PDE6C: variants seen among roughly 807,000 people sequenced by gnomAD.
PDE6C encodes cone cGMP-specific 3',5'-cyclic phosphodiesterase subunit alpha'.
A neutral mutation model predicts 113.1 loss-of-function variants in PDE6C; 75 were observed. That is an observed-to-expected ratio of 0.66 (90% CI 0.55 to 0.80). PDE6C has a LOEUF of 0.80. Among genes scored for constraint, PDE6C ranks in the 30% least tolerant of loss-of-function variants. The pLI is 0.00. For missense variants in PDE6C, 912 were observed against 1,038.6 expected, an observed-to-expected ratio of 0.88 and a Z score of 1.67; for synonymous variants, 375 against 363.7, an observed-to-expected ratio of 1.03 and a Z score of -0.35.
At chr10:93,620,166 A>C (rs1401595999) in intron 1 of PDE6C, among the ~76,000 whole-genome samples, 1 of 152,102 alleles carries the variant, frequency 6.6e-6, no homozygotes, top group Non-Finnish European at 1.5e-5. Flanking sequence ...GGGCAATGAT[A>C]ATTTTTGCTT....
At chr10:93,636,790 T>G (rs1314532962) in intron 10 of PDE6C, among the ~76,000 whole-genome samples, 3 of 152,154 alleles carry the variant, frequency 2.0e-5, no homozygotes, top group Non-Finnish European at 4.4e-5. Context: ...TTTTTAGAGA[T>G]GGGGTCTCAC....
chr10:93,624,218 G>A (rs2058461587), intron 4 of PDE6C, among the ~76,000 whole-genome samples: 1 of 151,784 alleles, frequency 6.6e-6, no homozygotes, highest in African/African-American at 2.4e-5. Context: ...AATAACTAAC[G>A]ATACCATATT....
chr10:93,612,861 T>A lies in PDE6C; in HGVS notation c.136T>A (p.Ser46Thr). Residue 46 changes from serine to threonine, a missense_variant, in exon 1 of 22, where the codon TCC (serine) becomes ACC (threonine). Physicochemically the swap from Ser to Thr is moderately conservative, Grantham distance 58. Transcript: ENST00000371447. The stretch of plus-strand genomic sequence containing the variant: ...CAAGAACAGCCAGGTGCCAGTCCAG[T>A]CCAGCATGTCCTTCTCTGAGCTGAC... ...IFKNSQVPVQ[S>T]SMSFSELTQV... The A allele has an allele frequency of 6.2e-7, 1 of 1,614,122 alleles. No individual in the cohort carries two copies. Among genetic ancestry groups the A allele is most frequent in the South Asian group, 1.1e-5 (1 of 91,082 alleles).
chr10:93,644,812 G>GTATATAGTACTA (rs2058575640), intron 14 of PDE6C, among the ~76,000 whole-genome samples: 1 of 144,174 alleles, frequency 6.9e-6, no homozygotes, highest in Non-Finnish European at 1.5e-5. Context: ...TATATAGTAT[G>GTATATAGTACTA]TATATAGTAC....
intron 15 of PDE6C, among the ~76,000 whole-genome samples, chr10:93,655,119 A>G (rs1042007279): frequency 1.3e-5 from 2 of 151,820 alleles, no homozygotes; most frequent in Non-Finnish European, 2.9e-5. Flanking sequence ...CTATATTCTC[A>G]TTTTCTAGAA....
chr10:93,626,967 A>G (rs1195045861), intron 7 of PDE6C, 96 bp downstream of exon 7: 49 of 1,161,682 alleles, frequency 4.2e-5, no homozygotes, highest in Non-Finnish European at 6.1e-5. Context: ...AATGCATCCA[A>G]TAAAAGCTAG....
intron 8 of PDE6C, among the ~76,000 whole-genome samples, chr10:93,634,113 C>G (rs2058516439): frequency 6.6e-6 from 1 of 152,070 alleles, no homozygotes; most frequent in African/African-American, 2.4e-5. Flanking sequence ...GCCTCTGCCT[C>G]CTGGGTTCAA....
At chr10:93,622,201 G>A (rs2058449999) in intron 4 of PDE6C, 129 bp downstream of exon 4, 9 of 996,444 alleles carry the variant, frequency 9.0e-6, no homozygotes, top group Non-Finnish European at 1.4e-5. Context: ...AAGAACAGAG[G>A]TAAAAGTGTG....
intron 15 of PDE6C, 91 bp from the exon 16 acceptor site, chr10:93,655,669 A>G: frequency 1.3e-6 from 1 of 752,880 alleles, no homozygotes; most frequent in Non-Finnish European, 2.4e-6. Flanking sequence ...AAGTGTTGAA[A>G]GACTTTTAGA....
At chr10:93,628,541 C>T (rs145369273) in intron 7 of PDE6C, among the ~76,000 whole-genome samples, 58 of 152,110 alleles carry the variant, frequency 3.8e-4, no homozygotes, top group African/African-American at 1.3e-3. Flanking sequence ...GCTGAGATCG[C>T]GCCATTGCAC....
chr10:93,630,257 T>G (rs557060705), intron 8 of PDE6C, among the ~76,000 whole-genome samples: 1 of 152,214 alleles, frequency 6.6e-6, no homozygotes, highest in Non-Finnish European at 1.5e-5. Flanking sequence ...TGTGCTACTC[T>G]ACCTGACCCA....
chr10:93,663,232 C>G, intron 21 of PDE6C, 54 bp downstream of exon 21: 2 of 1,552,166 alleles, frequency 1.3e-6, no homozygotes, highest in Non-Finnish European at 1.8e-6. Context: ...CTAGGCTGAG[C>G]TTAATGGCAT....
chr10:93,621,886 T>G, intron 3 of PDE6C, 46 bp from the exon 4 acceptor site: 1 of 1,560,260 alleles, frequency 6.4e-7, no homozygotes, highest in African/African-American at 1.4e-5. Context: ...TATCTCTCCA[T>G]AGCATACTTT....
At chr10:93,622,118 T>C in intron 4 of PDE6C, 46 bp downstream of exon 4, 3 of 1,552,310 alleles carry the variant, frequency 1.9e-6, no homozygotes, top group Non-Finnish European at 2.7e-6. Flanking sequence ...ATCGCCTATA[T>C]AACACACACC....
chr10:93,658,024 G>C (rs1256048860), intron 16 of PDE6C, among the ~76,000 whole-genome samples: 4 of 151,718 alleles, frequency 2.6e-5, no homozygotes, highest in African/African-American at 9.7e-5. Flanking sequence ...TAAAAAATTA[G>C]CCAGGCATGC....
Position 93,646,326 on chromosome 10 carries a change from G to A in PDE6C, c.1935+279G>A, listed in dbSNP as rs147742424. Among the ~76,000 whole-genome samples, 604 of 152,094 alleles carry A rather than the reference G, an allele frequency of 4.0e-3. 3 individuals carry two copies. Among genetic ancestry groups the A allele is most frequent in the African/African-American group, 0.014 (573 of 41,484 alleles). Reference sequence around the variant, plus strand: ...TATGGTGGATGCAAAAGGGCTCCGTGCACCCCAAGCATATGTAAATGTAAA... The same window carrying A: ...TATGGTGGATGCAAAAGGGCTCCGTACACCCCAAGCATATGTAAATGTAAA... On this transcript the variant is annotated intron_variant, in intron 15 of 21. Transcript: ENST00000371447.
At position 93,665,439 on chromosome 10, in the gene PDE6C, C is replaced by T; in HGVS notation, c.*21C>T. The T allele has an allele frequency of 6.9e-7, 1 of 1,444,066 alleles. No individual in the cohort carries two copies. The highest frequency in any genetic ancestry group is 1.1e-5 in the South Asian group (1 of 87,742). The allele number at this position is 1,444,066 out of a possible 1,614,324, so 89.5% of individuals were successfully genotyped here. A position where few individuals can be genotyped will look rare whatever the true frequency, so the allele number is the denominator to read the frequency against. On this transcript the variant is annotated 3_prime_UTR_variant, in exon 22 of 22. Transcript: ENST00000371447. ...TGTAATATTATCTAACTGGTCTAAA[C>T]TTCAAATATCATTTTACCTTTGAAG...
chr10:93,630,974 C>T (rs945591339), intron 8 of PDE6C, among the ~76,000 whole-genome samples: 2 of 152,192 alleles, frequency 1.3e-5, no homozygotes, highest in South Asian at 2.1e-4. Flanking sequence ...AGCAAAAGGG[C>T]GACAATGATT....
chr10:93,657,891 C>A (rs2052819768), intron 16 of PDE6C, among the ~76,000 whole-genome samples: 1 of 152,138 alleles, frequency 6.6e-6, no homozygotes, highest in Non-Finnish European at 1.5e-5. Flanking sequence ...AGAGTTCCAG[C>A]TGAGTGAGGT....
Sources: allele counts gnomAD v4.1 joint callset (sites outside exome capture counted in the v4.1 genomes callset), GRCh38; gene constraint gnomAD v4.1.1; transcripts MANE v1.5; gene names NCBI Gene and HGNC (gene_info 2026-07-23, HGNC 2026-07-21).